Variants in PRDM16 observed in about 807,000 individuals in gnomAD.
PRDM16 encodes PR/SET domain 16, also known as histone-lysine N-methyltransferase PRDM16.
A neutral mutation model predicts 110.6 loss-of-function variants in PRDM16; 23 were observed. The ratio of observed to expected loss-of-function variants is 0.21; its 90% CI spans 0.15 to 0.29. PRDM16 has a LOEUF of 0.29. PRDM16 is among the 10% of genes least tolerant of loss of function. The pLI, the probability that PRDM16 is intolerant of heterozygous loss-of-function variation, is 1.00. For missense variants in PRDM16, 1,615 were observed against 1,794.3 expected (o/e 0.90, Z 1.81); for synonymous variants, 799 against 781.8 (o/e 1.02, Z -0.37).
At chr1:3,111,627 G>C (rs1642796841) in intron 1 of PRDM16, among the ~76,000 whole-genome samples, 1 of 152,090 alleles carries the variant, frequency 6.6e-6, no homozygotes, top group South Asian at 2.1e-4. Context: ...GCACGGAAAG[G>C]AGGCGCAGGT....
intron 10 of PRDM16, among the ~76,000 whole-genome samples, chr1:3,415,093 C>A (rs1391274667): frequency 1.3e-5 from 2 of 152,154 alleles, no homozygotes; most frequent in Non-Finnish European, 2.9e-5. Flanking sequence ...CAGAGAGGGG[C>A]ATGGAGCCAG....
intron 3 of PRDM16, among the ~76,000 whole-genome samples, chr1:3,374,686 G>A (rs562772806): frequency 2.0e-5 from 3 of 152,214 alleles, no homozygotes; most frequent in Non-Finnish European, 4.4e-5. Flanking sequence ...CATTCTCTAA[G>A]GCAGAGCGCA....
At chr1:3,423,052 C>A (rs563285371) in intron 12 of PRDM16, among the ~76,000 whole-genome samples, 2 of 152,358 alleles carry the variant, frequency 1.3e-5, no homozygotes, top group Admixed American at 1.3e-4. Flanking sequence ...CCAGAGTGAG[C>A]CTGGCCTCCG....
chr1:3,202,340 G>A (rs1638648698), intron 2 of PRDM16, among the ~76,000 whole-genome samples: 1 of 151,428 alleles, frequency 6.6e-6, no homozygotes, highest in Admixed American at 6.6e-5. Flanking sequence ...CTTCATGCTG[G>A]GGGAGTCTGG....
intron 1 of PRDM16, among the ~76,000 whole-genome samples, chr1:3,113,469 G>A (rs1056040955): frequency 1.2e-4 from 18 of 150,758 alleles, no homozygotes; most frequent in Non-Finnish European, 2.2e-4. Context: ...TGCCTAGAGA[G>A]GAAGGCTCGG....
intron 2 of PRDM16, among the ~76,000 whole-genome samples, chr1:3,236,228 T>TGCCTCCTTGTCTCCCACAGC (rs1553150871): frequency 6.6e-6 from 1 of 151,918 alleles, no homozygotes; most frequent in Non-Finnish European, 1.5e-5. Flanking sequence ...GACCCCACAG[T>TGCCTCCTTGTCTCCCACAGC]GCCTCCTTGT....
chr1:3,070,987 G>A (rs1360861438), intron 1 of PRDM16, among the ~76,000 whole-genome samples: 6 of 152,250 alleles, frequency 3.9e-5, no homozygotes, highest in Non-Finnish European at 8.8e-5. Context: ...CGAAGGGGCT[G>A]TCTGTGCGCG....
chr1:3,215,466 T>TCCCGGGGACAGGCAAGGCCCACA (rs1453346869), intron 2 of PRDM16, among the ~76,000 whole-genome samples: 4 of 149,354 alleles, frequency 2.7e-5, no homozygotes, highest in East Asian at 2.0e-4. Context: ...GGGTCATGGG[T>TCCCGGGGACAGGCAAGGCCCACA]GGAGGCGGGA....
intron 2 of PRDM16, among the ~76,000 whole-genome samples, chr1:3,194,200 G>C (rs982870064): frequency 1.3e-5 from 2 of 152,242 alleles, no homozygotes; most frequent in African/African-American, 2.4e-5. Context: ...GTGCACACTG[G>C]GGGGCTATTT....
chr1:3,154,281 G>A (rs367552612), intron 1 of PRDM16, among the ~76,000 whole-genome samples: 4 of 152,072 alleles, frequency 2.6e-5, no homozygotes, highest in African/African-American at 7.3e-5. Flanking sequence ...CTCCCTGGGC[G>A]GCGTGGTGGG....
intron 13 of PRDM16, 41 bp from the exon 14 acceptor site, chr1:3,426,010 C>A: frequency 6.3e-7 from 1 of 1,585,502 alleles, no homozygotes; most frequent in Non-Finnish European, 8.6e-7. Flanking sequence ...AGGGAGGGGT[C>A]CAGCGAGAGG....
At chr1:3,072,189 A>G (rs1641781164) in intron 1 of PRDM16, among the ~76,000 whole-genome samples, 1 of 152,104 alleles carries the variant, frequency 6.6e-6, no homozygotes, top group African/African-American at 2.4e-5. Flanking sequence ...GCAGCCCCAC[A>G]TTTACAAACT....
At position 3,339,357 on chromosome 1, in the gene PRDM16, G is replaced by A. The variant is rs141452505; in HGVS notation, c.439-45795G>A. Among the ~76,000 whole-genome samples, 6 of 152,204 alleles carry A rather than the reference G, an allele frequency of 3.9e-5. No homozygotes were observed. The highest frequency in any genetic ancestry group is 9.6e-5 in the African/African-American group (4 of 41,538). ...GGTGGGCCTCCGCGCATCCGTGCCCGGAAGCAGGAACAGAGGGATGGGTGG... is the reference window on the plus strand; with the variant it reads ...GGTGGGCCTCCGCGCATCCGTGCCCAGAAGCAGGAACAGAGGGATGGGTGG... On this transcript the variant is annotated intron_variant, in intron 3 of 16. Transcript: ENST00000270722. The surrounding 1 kb of genome is among the most constrained non-coding windows in gnomAD (Gnocchi z 5.0).
intron 3 of PRDM16, among the ~76,000 whole-genome samples, chr1:3,257,258 A>G (rs1569939219): frequency 6.6e-6 from 1 of 152,182 alleles, no homozygotes; most frequent in African/African-American, 2.4e-5. Flanking sequence ...AGCTGACCCC[A>G]GTTTCTGGCT....
intron 1 of PRDM16, among the ~76,000 whole-genome samples, chr1:3,115,758 G>A (rs923827370): frequency 2.0e-5 from 3 of 152,250 alleles, no homozygotes; most frequent in Non-Finnish European, 2.9e-5. Flanking sequence ...TATGGCTACA[G>A]GTTGGCATCC....
intron 3 of PRDM16, among the ~76,000 whole-genome samples, chr1:3,284,276 T>C (rs1181706155): frequency 6.6e-6 from 1 of 152,078 alleles, no homozygotes; most frequent in Non-Finnish European, 1.5e-5. Flanking sequence ...AAATAAAGAG[T>C]CAAACGTTTT....
At chr1:3,226,849 A>G (rs1424406517) in intron 2 of PRDM16, among the ~76,000 whole-genome samples, 2 of 152,146 alleles carry the variant, frequency 1.3e-5, no homozygotes, top group East Asian at 3.9e-4. Flanking sequence ...CACTTCTCCT[A>G]ATTGTACAGT....
intron 1 of PRDM16, among the ~76,000 whole-genome samples, chr1:3,170,057 AT>A (rs35945121): frequency 0.52 from 79,149 of 151,196 alleles, 21,918 homozygotes; most frequent in African/African-American, 0.71. Context: ...AAATTAATGA[AT>A]TTTTTTTTTC....
intron 3 of PRDM16, among the ~76,000 whole-genome samples, chr1:3,247,593 C>T (rs1202777402): frequency 2.6e-5 from 4 of 152,248 alleles, no homozygotes; most frequent in Non-Finnish European, 2.9e-5. Context: ...CCTTCAGCTT[C>T]GCCCTGGACT....
Sources: gnomAD v4.1 joint callset for allele counts (sites outside exome capture counted in the v4.1 genomes callset) on GRCh38, gnomAD v4.1.1 for gene constraint, Gnocchi (gnomAD v3.1) non-coding constraint, MANE v1.5 for transcripts, NCBI Gene and HGNC (gene_info 2026-07-23, HGNC 2026-07-21) for gene names.